Variants in ELAVL1 observed in about 807,000 individuals in gnomAD.
The protein encoded by ELAVL1 is ELAV like RNA binding protein 1, also known as ELAV-like protein 1.
Under a neutral mutation model 28.4 loss-of-function variants are expected in ELAVL1, and 1 was observed. The observed-to-expected ratio is 0.04, with a 90% CI of 0.01 to 0.17. ELAVL1 has a LOEUF of 0.17. ELAVL1 is among the 10% of genes least tolerant of loss of function. The pLI is 1.00. For synonymous variants in ELAVL1, 174 were observed against 183.5 expected, an observed-to-expected ratio of 0.95 and a Z score of 0.42; for missense variants, 157 against 447.2, an observed-to-expected ratio of 0.35 and a Z score of 5.85.
Position 7,962,516 on chromosome 19 carries a change from T to G in ELAVL1, c.*967A>C, listed in dbSNP as rs1004628852. ...ACAAAAGCAAAATTCCAAAACAAAA[T>G]CCGACTAAAATAGAAAAAGGTCTAA... is the stretch of plus-strand genomic sequence containing the variant. On this transcript the variant is annotated 3_prime_UTR_variant, in exon 6 of 6. Transcript: ENST00000407627. 3 of 152,454 alleles carry G rather than the reference T, an allele frequency of 2.0e-5. No homozygotes were observed. The highest frequency in any genetic ancestry group is 7.2e-5 in the African/African-American group (3 of 41,392). The allele number at this position is 152,454 out of a possible 1,614,324, so 9.4% of individuals were successfully genotyped here. A position where few individuals can be genotyped will look rare whatever the true frequency, so the allele number is the denominator to read the frequency against.
chr19:7,996,792 G>A lies in ELAVL1; in HGVS notation c.-16-4961C>T, dbSNP rs145432944. 2.0e-3 allele frequency among the ~76,000 whole-genome samples: 310 copies of A among 152,240 alleles called. 11 individuals are homozygous for A. In the East Asian group the frequency reaches 0.047, roughly 23 times the overall value. ...GGCGCCACTGTACTCCAAACTGGGC[G>A]ATAGGGCCAGACTCCATCTCCAAAA... On this transcript the variant is annotated intron_variant, in intron 1 of 5. Coordinates refer to ENST00000407627, the MANE Select transcript of ELAVL1 (RefSeq NM_001419.3).
At chr19:7,992,181 T>A (rs754058066) in intron 1 of ELAVL1, among the ~76,000 whole-genome samples, 22 of 152,144 alleles carry the variant, frequency 1.4e-4, no homozygotes, top group Non-Finnish European at 2.5e-4. Context: ...ACTCAGGTGA[T>A]CCACCTGCCT....
At chr19:8,000,880 C>G (rs1395869952) in intron 1 of ELAVL1, among the ~76,000 whole-genome samples, 1 of 152,240 alleles carries the variant, frequency 6.6e-6, no homozygotes, top group East Asian at 1.9e-4. Context: ...CCAGGCACCC[C>G]ACAGCCCTGC....
At chr19:7,977,194 T>C (rs1449195292) in intron 3 of ELAVL1, among the ~76,000 whole-genome samples, 1 of 152,216 alleles carries the variant, frequency 6.6e-6, no homozygotes, top group Non-Finnish European at 1.5e-5. Flanking sequence ...CGCCGGCTTC[T>C]GTGGGTGACA....
Position 7,960,096 on chromosome 19 carries a change from T to G in ELAVL1, c.*3387A>C, listed in dbSNP as rs1984762756. 6.6e-6 allele frequency: 1 copy of G among 152,212 alleles called. No homozygotes were observed. Among genetic ancestry groups the G allele is most frequent in the African/African-American group, 2.4e-5 (1 of 41,464 alleles). 9.4% of individuals were successfully genotyped at this position (152,212 alleles called of 1,614,324 possible). A position where few individuals can be genotyped will look rare whatever the true frequency, so the allele number is the denominator to read the frequency against. ...TAAGTCATGTCTTTTCAATGCCTGG[T>G]GGACAAATGGCCTTCATTTGGAAGC... On this transcript the variant is annotated 3_prime_UTR_variant, in exon 6 of 6. Coordinates refer to ENST00000407627, the MANE Select transcript of ELAVL1 (RefSeq NM_001419.3).
At chr19:7,975,630 G>A (rs1410285711) in intron 3 of ELAVL1, among the ~76,000 whole-genome samples, 3 of 152,210 alleles carry the variant, frequency 2.0e-5, no homozygotes, top group Non-Finnish European at 4.4e-5. Context: ...AATTCATCCA[G>A]TGAGGGGTTC....
chr19:7,959,600 G>A lies in ELAVL1; in HGVS notation c.*3883C>T, dbSNP rs1329625904. On this transcript the variant is annotated 3_prime_UTR_variant, in exon 6 of 6. Transcript: ENST00000407627. The stretch of plus-strand genomic sequence containing the variant: ...AGAAAGAAACCTGAACGATGTCACT[G>A]AAAGGTTGTAGAAAAATAGGATCCA... The A allele has an allele frequency of 6.6e-6, 1 of 152,176 alleles. No individual in the cohort carries two copies. Among genetic ancestry groups the A allele is most frequent in the Non-Finnish European group, 1.5e-5 (1 of 68,032 alleles). The allele number at this position is 152,176 out of a possible 1,614,324, so 9.4% of individuals were successfully genotyped here.
At position 7,967,762 on chromosome 19, in the gene ELAVL1, C is replaced by G. The variant is rs147459374; in HGVS notation, c.459G>C (p.Arg153=). 7.9e-5 allele frequency: 127 copies of G among 1,614,052 alleles called. No individual in the cohort carries two copies. Among genetic ancestry groups the G allele is most frequent in the Non-Finnish European group, 1.0e-4 (122 of 1,180,042 alleles). The part of the protein sequence containing the change: ...TGLSRGVAFI[R]FDKRSEAEEA... Reference sequence around the variant, plus strand: ...CTTCTGCCTCCGACCGTTTGTCAAACCGGATAAACGCAACCCCTCTGGACA... The same window carrying G: ...CTTCTGCCTCCGACCGTTTGTCAAAGCGGATAAACGCAACCCCTCTGGACA... Residue 153 remains arginine, a synonymous_variant, in exon 5 of 6, where the codon CGG becomes CGC. Transcript: ENST00000407627.
intron 1 of ELAVL1, among the ~76,000 whole-genome samples, chr19:7,999,350 G>A (rs1167300739): frequency 2.0e-5 from 3 of 152,122 alleles, no homozygotes; most frequent in Admixed American, 2.0e-4. Context: ...TCCAGCCTGG[G>A]CAACAGAGTG....
At chr19:7,992,432 T>G (rs543734598) in intron 1 of ELAVL1, among the ~76,000 whole-genome samples, 1 of 152,098 alleles carries the variant, frequency 6.6e-6, no homozygotes, top group Non-Finnish European at 1.5e-5. Context: ...TTTTTGATGA[T>G]AAAAAGAAAT....
chr19:7,988,969 G>A (rs959737315), intron 2 of ELAVL1, among the ~76,000 whole-genome samples: 3 of 152,236 alleles, frequency 2.0e-5, no homozygotes, highest in Admixed American at 6.5e-5. Context: ...GAAGCGGGAG[G>A]TGGTCATCAG....
chr19:7,993,383 G>T (rs1342104545), intron 1 of ELAVL1, among the ~76,000 whole-genome samples: 1 of 152,202 alleles, frequency 6.6e-6, no homozygotes, highest in East Asian at 1.9e-4. Flanking sequence ...TGCTGCTGAG[G>T]GGGCAGGTAG....
At chr19:7,967,433 G>T in intron 5 of ELAVL1, 132 bp downstream of exon 5, 1 of 1,000,162 alleles carries the variant, frequency 1.0e-6, no homozygotes, top group Non-Finnish European at 1.5e-6. Context: ...GTGTGGAGCT[G>T]CAGAATGATT....
intron 4 of ELAVL1, 84 bp from the exon 5 acceptor site, chr19:7,967,874 A>G (rs1984996819): frequency 1.4e-6 from 2 of 1,447,090 alleles, no homozygotes; most frequent in Non-Finnish European, 1.9e-6. Context: ...AGGTCAGTCT[A>G]CTGTGGGCCA....
At chr19:7,990,419 G>C (rs548101852) in intron 2 of ELAVL1, among the ~76,000 whole-genome samples, 29 of 150,528 alleles carry the variant, frequency 1.9e-4, no homozygotes, top group East Asian at 1.2e-3. Context: ...AGTGGTACTT[G>C]GTAAGGTGCA....
intron 4 of ELAVL1, among the ~76,000 whole-genome samples, chr19:7,971,884 C>A (rs1167149293): frequency 2.0e-5 from 3 of 152,226 alleles, no homozygotes; most frequent in East Asian, 1.9e-4. Context: ...CCAAAGCACG[C>A]AGCTCAGGGG....
intron 1 of ELAVL1, among the ~76,000 whole-genome samples, chr19:7,999,660 G>A (rs1052188678): frequency 4.6e-5 from 7 of 152,278 alleles, no homozygotes; most frequent in Non-Finnish European, 8.8e-5. Context: ...ACGGCTCACT[G>A]CAGCCCCGGC....
At chr19:7,983,362 A>G (rs1314480075) in intron 2 of ELAVL1, among the ~76,000 whole-genome samples, 1 of 152,188 alleles carries the variant, frequency 6.6e-6, no homozygotes, top group African/African-American at 2.4e-5. Context: ...CAAGTGCTCC[A>G]GATGGCAGTG....
rs1984870870 is a variant in ELAVL1 at position 7,963,651 on chromosome 19, G to A, written c.813C>T (p.Thr271=). The stretch of plus-strand genomic sequence containing the variant: ...TGAAGTCGCGGATCACTTTCACATT[G>A]GTGACGGCACCAAACGGCCCAAACA... ...WQMFGPFGAV[T]NVKVIRDFNT... is the part of the protein sequence containing the mutation. The change falls in exon 6 of 6, where the codon ACC becomes ACT. Residue 271 remains threonine, a synonymous_variant. Transcript: ENST00000407627. The surrounding 1 kb of genome is among the most constrained non-coding windows in gnomAD (Gnocchi z 4.5). 6.2e-7 allele frequency: 1 copy of A among 1,614,134 alleles called. No individual in the cohort carries two copies. The highest frequency in any genetic ancestry group is 8.5e-7 in the Non-Finnish European group (1 of 1,180,058).
Sources: allele counts gnomAD v4.1 joint callset (sites outside exome capture counted in the v4.1 genomes callset), GRCh38; gene constraint gnomAD v4.1.1; non-coding constraint Gnocchi (gnomAD v3.1); transcripts MANE v1.5; gene names NCBI Gene and HGNC (gene_info 2026-07-23, HGNC 2026-07-21).